ELAPOR2: variants seen among roughly 807,000 people sequenced by gnomAD.
The protein encoded by ELAPOR2 is endosome-lysosome associated apoptosis and autophagy regulator family member 2.
In ELAPOR2, 89 loss-of-function variants were observed where a neutral mutation model predicts 120.7. That is an observed-to-expected ratio of 0.74 (90% CI 0.62 to 0.88). ELAPOR2 has a LOEUF of 0.88. Among genes scored for constraint, ELAPOR2 ranks in the 40% least tolerant of loss-of-function variants. The probability of loss-of-function intolerance (pLI) is 0.00; values close to 1 mark genes in which losing one functional copy is unlikely to be tolerated. For synonymous variants in ELAPOR2, 444 were observed against 444.9 expected (o/e 1.00, Z 0.03); for missense variants, 1,134 against 1,251.6 (o/e 0.91, Z 1.42).
At chr7:86,976,651 C>T (rs545290543) in intron 1 of ELAPOR2, among the ~76,000 whole-genome samples, 2 of 152,236 alleles carry the variant, frequency 1.3e-5, no homozygotes, top group South Asian at 4.1e-4. Flanking sequence ...GGAGAAAAAA[C>T]ATGTGGTCTG....
At position 86,912,177 on chromosome 7, in the gene ELAPOR2, G is replaced by T; in HGVS notation, c.2064C>A (p.Asp688Glu). 6.2e-7 allele frequency: 1 copy of T among 1,611,776 alleles called. No homozygotes were observed. ...AGCCCACACTGCTGAGGTTGCTAAA[G>T]TCATAGTGCAAACTCTGATTTTCTT... ...HEKENQSLHY[D>E]FSNLSSVGSL... Residue 688 changes from aspartate (D) to glutamate (E), a missense_variant, in exon 15 of 22, where the codon GAC becomes GAA. Physicochemically the swap from Asp to Glu is conservative, Grantham distance 45. Coordinates refer to ENST00000450689, the MANE Select transcript of ELAPOR2 (RefSeq NM_001142749.3).
Position 87,058,756 on chromosome 7 carries a change from T to C in ELAPOR2, c.189+569A>G, listed in dbSNP as rs550506837. Among the ~76,000 whole-genome samples the C allele has an allele frequency of 8.9e-4, 135 of 151,894 alleles. 1 individual carries two copies. Among genetic ancestry groups the C allele is most frequent in the African/African-American group, 2.2e-3 (92 of 41,394 alleles). On this transcript the variant is annotated intron_variant, in intron 1 of 21. Transcript: ENST00000450689. Reference sequence around the variant, plus strand: ...CTACCAAGTACATACTCCTTTTTTTTCCCCCCCAAATTCAAATCCACATTT... The same window carrying C: ...CTACCAAGTACATACTCCTTTTTTTCCCCCCCCAAATTCAAATCCACATTT...
intron 1 of ELAPOR2, among the ~76,000 whole-genome samples, chr7:86,990,419 T>C (rs1412404925): frequency 6.6e-6 from 1 of 151,944 alleles, no homozygotes; most frequent in East Asian, 1.9e-4. Context: ...GAGACCTGAG[T>C]GAGCATGTTG....
intron 5 of ELAPOR2, among the ~76,000 whole-genome samples, chr7:86,940,868 A>C (rs994203695): frequency 2.0e-5 from 3 of 152,098 alleles, no homozygotes; most frequent in African/African-American, 7.2e-5. Context: ...ACATTAAGTA[A>C]AAGTAGTGCA....
chr7:86,892,845 T>C (rs1788233148), intron 20 of ELAPOR2, 77 bp downstream of exon 20: 9 of 1,270,422 alleles, frequency 7.1e-6, no homozygotes, highest in African/African-American at 6.2e-5. Context: ...ATTTATTGGA[T>C]ATAATGATCA....
chr7:86,941,962 G>C, intron 5 of ELAPOR2, 56 bp downstream of exon 5: 1 of 1,030,220 alleles, frequency 9.7e-7, no homozygotes, highest in South Asian at 1.4e-5. Flanking sequence ...AAAAGGTTGG[G>C]GAAAAAAAGA....
intron 1 of ELAPOR2, among the ~76,000 whole-genome samples, chr7:86,989,647 A>G (rs1278200629): frequency 6.6e-6 from 1 of 152,200 alleles, no homozygotes; most frequent in Non-Finnish European, 1.5e-5. Flanking sequence ...AGCTCTGGCC[A>G]CCATTTCTGA....
chr7:87,025,623 C>A (rs1042153696), intron 1 of ELAPOR2, among the ~76,000 whole-genome samples: 2 of 151,882 alleles, frequency 1.3e-5, no homozygotes, highest in African/African-American at 2.4e-5. Flanking sequence ...CAATTCACTT[C>A]CAAAAAAAGT....
At chr7:86,908,972 T>G (rs976829170) in intron 16 of ELAPOR2, among the ~76,000 whole-genome samples, 1 of 152,082 alleles carries the variant, frequency 6.6e-6, no homozygotes. Flanking sequence ...GCAAAAAATT[T>G]TGTGCCCTAA....
At chr7:86,930,005 A>T (rs1222672683) in intron 8 of ELAPOR2, among the ~76,000 whole-genome samples, 1 of 151,930 alleles carries the variant, frequency 6.6e-6, no homozygotes, top group Non-Finnish European at 1.5e-5. Flanking sequence ...AACTTCTTTC[A>T]TTTATAAGTT....
chr7:86,983,836 A>C (rs1348671493), intron 1 of ELAPOR2, among the ~76,000 whole-genome samples: 1 of 152,194 alleles, frequency 6.6e-6, no homozygotes, highest in Non-Finnish European at 1.5e-5. Context: ...ACACACAACA[A>C]TATTAACCTT....
chr7:86,978,106 T>C (rs975147860), intron 1 of ELAPOR2, among the ~76,000 whole-genome samples: 3 of 152,156 alleles, frequency 2.0e-5, no homozygotes, highest in African/African-American at 7.2e-5. Context: ...AATTAAATCA[T>C]GGGAGCAGTT....
At position 87,004,946 on chromosome 7, in the gene ELAPOR2, G is replaced by T. The variant is rs918253005; in HGVS notation, c.190-39922C>A. Among the ~76,000 whole-genome samples, 13 of 152,022 alleles carry T rather than the reference G, an allele frequency of 8.6e-5. No individual in the cohort carries two copies. The East Asian group carries it at 9.6e-4, about 11-fold the overall frequency. ...AGAGCTATGACCCCTCTTTGCAACTGCCCAGAGCTACCAATAATGAGATCT... is the reference window on the plus strand; with the variant it reads ...AGAGCTATGACCCCTCTTTGCAACTTCCCAGAGCTACCAATAATGAGATCT... On this transcript the variant is annotated intron_variant, in intron 1 of 21. Transcript: ENST00000450689.
chr7:86,959,253 A>G (rs558121525), intron 2 of ELAPOR2, among the ~76,000 whole-genome samples: 2 of 152,278 alleles, frequency 1.3e-5, no homozygotes, highest in East Asian at 3.9e-4. Context: ...ACATCAGATC[A>G]TGTCATCTGC....
At chr7:86,904,245 A>G (rs1788862687) in intron 18 of ELAPOR2, among the ~76,000 whole-genome samples, 1 of 152,136 alleles carries the variant, frequency 6.6e-6, no homozygotes, top group Non-Finnish European at 1.5e-5. Context: ...ATTTTCACTA[A>G]CAGAAATGTC....
At chr7:86,881,284 C>T (rs1027985231) in intron 21 of ELAPOR2, among the ~76,000 whole-genome samples, 4 of 151,986 alleles carry the variant, frequency 2.6e-5, no homozygotes, top group Admixed American at 6.6e-5. Context: ...GTCACCTCTG[C>T]CTCCCAGGCT....
chr7:86,980,597 T>C (rs992828818), intron 1 of ELAPOR2, among the ~76,000 whole-genome samples: 1 of 152,088 alleles, frequency 6.6e-6, no homozygotes, highest in African/African-American at 2.4e-5. Flanking sequence ...AAAAGCTCTC[T>C]AGGCATTAGT....
chr7:86,913,982 T>C (rs1015017202), intron 13 of ELAPOR2, among the ~76,000 whole-genome samples: 5 of 152,156 alleles, frequency 3.3e-5, no homozygotes, highest in Admixed American at 2.0e-4. Flanking sequence ...TATCTTAACC[T>C]TCATAAGGAA....
intron 1 of ELAPOR2, among the ~76,000 whole-genome samples, chr7:87,050,025 G>A (rs142147623): frequency 5.5e-4 from 83 of 152,212 alleles, no homozygotes; most frequent in African/African-American, 1.8e-3. Flanking sequence ...GCCTTTTACC[G>A]TGGTACGACA....
Sources: allele counts gnomAD v4.1 joint callset (sites outside exome capture counted in the v4.1 genomes callset), GRCh38; gene constraint gnomAD v4.1.1; transcripts MANE v1.5; gene names NCBI Gene and HGNC (gene_info 2026-07-23, HGNC 2026-07-21).